SLC6A3: variants seen among roughly 807,000 people sequenced by gnomAD.
SLC6A3 encodes the protein sodium-dependent dopamine transporter.
In SLC6A3, 19 loss-of-function variants were observed where a neutral mutation model predicts 70.4. The ratio of observed to expected loss-of-function variants is 0.27; its 90% CI spans 0.19 to 0.40. The LOEUF (loss-of-function observed/expected upper bound fraction) is 0.40, where lower values mean the gene tolerates loss of function less well. SLC6A3 is among the 10% of genes least tolerant of loss of function. The probability of loss-of-function intolerance (pLI) is 1.00; values close to 1 mark genes in which losing one functional copy is unlikely to be tolerated. For synonymous variants in SLC6A3, 368 were observed against 356.6 expected (o/e 1.03, Z -0.36); for missense variants, 613 against 838.5 (o/e 0.73, Z 3.32).
intron 6 of SLC6A3, among the ~76,000 whole-genome samples, chr5:1,417,848 AG>A (rs1200731033): frequency 6.6e-6 from 1 of 152,256 alleles, no homozygotes; most frequent in Non-Finnish European, 1.5e-5. Flanking sequence ...CCTGCTGGGG[AG>A]GCCAGGTGGG....
At position 1,401,091 on chromosome 5, in the gene SLC6A3, AC is replaced by A; in HGVS notation, c.1768-106del. The A allele has an allele frequency of 1.2e-6, 1 of 853,138 alleles. No individual in the cohort carries two copies. The highest frequency in any genetic ancestry group is 1.9e-6 in the Non-Finnish European group (1 of 514,100). The allele number at this position is 853,138 out of a possible 1,614,324, so 52.8% of individuals were successfully genotyped here. A position where few individuals can be genotyped will look rare whatever the true frequency, so the allele number is the denominator to read the frequency against. On this transcript the variant is annotated intron_variant, in intron 13 of 14. Coordinates refer to ENST00000270349, the MANE Select transcript of SLC6A3 (RefSeq NM_001044.5). This position sits in a 1 kb window ranked among gnomAD's most constrained non-coding sequence, Gnocchi z 6.1. ...ACCCTCACCTACCAGCACCCTCACC[AC>A]CAGCCCTCCTCACCTGCCAATGCCC...
At chr5:1,395,239 G>A (rs542920359) in intron 14 of SLC6A3, among the ~76,000 whole-genome samples, 23 of 152,306 alleles carry the variant, frequency 1.5e-4, no homozygotes, top group South Asian at 6.2e-4. Context: ...TGCGACCCGC[G>A]CGGGCGCAAG....
Position 1,413,930 on chromosome 5 carries a change from C to G in SLC6A3, c.1156+761G>C, listed in dbSNP as rs1415247762. Among the ~76,000 whole-genome samples, 1 of 152,230 alleles carries G rather than the reference C, an allele frequency of 6.6e-6. No homozygotes were observed. Among genetic ancestry groups the G allele is most frequent in the Non-Finnish European group, 1.5e-5 (1 of 68,034 alleles). ...CGGCTCCATCCTGCCTGGCACACTT[C>G]TTGCTGTGGCCAAGGCCTCCCCCCA... On this transcript the variant is annotated intron_variant, in intron 8 of 14. Coordinates refer to ENST00000270349, the MANE Select transcript of SLC6A3 (RefSeq NM_001044.5). This position sits in a 1 kb window ranked among gnomAD's most constrained non-coding sequence, Gnocchi z 7.1.
intron 7 of SLC6A3, 150 bp downstream of exon 7, chr5:1,415,948 T>C: frequency 1.4e-6 from 1 of 695,828 alleles, no homozygotes; most frequent in Admixed American, 2.0e-5. Context: ...GCTGCCTCGC[T>C]GTCGCTTCTG....
In SLC6A3 at chr5:1,442,853, G is replaced by T; in HGVS notation, c.286+59C>A. ...TCGTTTCCGTACGTGCCTTGGCCCC[G>T]GCTGCCCCTACGACCCCCGCCCGGC... On this transcript the variant is annotated intron_variant, in intron 2 of 14. Coordinates refer to ENST00000270349, the MANE Select transcript of SLC6A3 (RefSeq NM_001044.5). This position sits in a 1 kb window ranked among gnomAD's most constrained non-coding sequence, Gnocchi z 5.0. The T allele has an allele frequency of 6.3e-7, 1 of 1,574,994 alleles. No homozygotes were observed.
At chr5:1,417,575 A>G (rs1756335863) in intron 6 of SLC6A3, among the ~76,000 whole-genome samples, 1 of 152,206 alleles carries the variant, frequency 6.6e-6, no homozygotes, top group Non-Finnish European at 1.5e-5. Flanking sequence ...CGTGAAAGGA[A>G]AGGTGGGTGG....
chr5:1,431,634 G>A (rs1185219020), intron 4 of SLC6A3, among the ~76,000 whole-genome samples: 1 of 151,678 alleles, frequency 6.6e-6, no homozygotes, highest in East Asian at 2.0e-4. Context: ...GGTGTGGGGT[G>A]GGCCTGGCCG....
Position 1,406,047 on chromosome 5 carries a change from C to T in SLC6A3, c.1599+141G>A, listed in dbSNP as rs979970064. 4 of 715,280 alleles carry T rather than the reference C, an allele frequency of 5.6e-6. No individual in the cohort carries two copies. Among genetic ancestry groups the T allele is most frequent in the African/African-American group, 3.5e-5 (2 of 57,498 alleles). 44.3% of individuals were successfully genotyped at this position (715,280 alleles called of 1,614,324 possible). A position where few individuals can be genotyped will look rare whatever the true frequency, so the allele number is the denominator to read the frequency against. ...GACTATAGATGAGTTCAGGGATCAG[C>T]CTGTCCTTCTGGGCCGAGTCTTGAG... On this transcript the variant is annotated intron_variant, in intron 12 of 14. Coordinates refer to ENST00000270349, the MANE Select transcript of SLC6A3 (RefSeq NM_001044.5). The surrounding 1 kb of genome is among the most constrained non-coding windows in gnomAD (Gnocchi z 8.8).
In SLC6A3 at chr5:1,401,655, G is replaced by T. The variant is rs576487244; in HGVS notation, c.1768-669C>A. On this transcript the variant is annotated intron_variant, in intron 13 of 14. Coordinates refer to ENST00000270349, the MANE Select transcript of SLC6A3 (RefSeq NM_001044.5). This position sits in a 1 kb window ranked among gnomAD's most constrained non-coding sequence, Gnocchi z 6.1. ...AATTCCACTTGTACCTGGCTCAGCT[G>T]CTGAGGTTTTACTTGGCTTACGTTC... Among the ~76,000 whole-genome samples the T allele has an allele frequency of 9.2e-5, 14 of 152,336 alleles. No homozygotes were observed. The highest frequency in any genetic ancestry group is 2.9e-4 in the African/African-American group (12 of 41,584).
chr5:1,412,652 A>G (rs1253313102), intron 8 of SLC6A3, among the ~76,000 whole-genome samples: 4 of 152,182 alleles, frequency 2.6e-5, no homozygotes, highest in African/African-American at 9.7e-5. Context: ...ACCAGTTCAG[A>G]AGCCTTGCAT....
Position 1,443,033 on chromosome 5 carries a change from C to T in SLC6A3, c.165G>A (p.Val55=). The change falls in exon 2 of 15, where the codon GTG becomes GTA. Residue 55 remains valine (V), a synonymous_variant. Coordinates refer to ENST00000270349, the MANE Select transcript of SLC6A3 (RefSeq NM_001044.5). ...CCCAGGTCTCCCGATCCTGGGCCTC[C>T]ACGGGGCTCTGCCGCGGGTTGGTGA... ...STLTNPRQSP[V]EAQDRETWGK... is the part of the protein sequence containing the mutation. 1 of 1,614,240 alleles carries T rather than the reference C, an allele frequency of 6.2e-7. No homozygotes were observed. The highest frequency in any genetic ancestry group is 8.5e-7 in the Non-Finnish European group (1 of 1,180,044).
chr5:1,441,540 T>C (rs747570590), intron 2 of SLC6A3, 50 bp from the exon 3 acceptor site: 7 of 1,599,392 alleles, frequency 4.4e-6, no homozygotes, highest in Non-Finnish European at 3.4e-6. Context: ...AGGGCCCATC[T>C]CTCCTCGTGG....
intron 14 of SLC6A3, among the ~76,000 whole-genome samples, chr5:1,400,569 G>C (rs1215031803): frequency 1.3e-5 from 2 of 152,132 alleles, no homozygotes; most frequent in African/African-American, 4.8e-5. Flanking sequence ...CCCCCGTGAG[G>C]CGGGGGGTGG....
intron 2 of SLC6A3, among the ~76,000 whole-genome samples, chr5:1,441,789 C>T (rs983964003): frequency 6.6e-5 from 10 of 152,280 alleles, no homozygotes; most frequent in East Asian, 5.8e-4. Flanking sequence ...TAGGTACTAT[C>T]CTTCCCCGTG....
Position 1,441,343 on chromosome 5 carries a change from G to T in SLC6A3, c.418+16C>A, listed in dbSNP as rs1176296944. 1 of 1,614,172 alleles carries T rather than the reference G, an allele frequency of 6.2e-7. No homozygotes were observed. Among genetic ancestry groups the T allele is most frequent in the African/African-American group, 1.3e-5 (1 of 75,064 alleles). On this transcript the variant is annotated intron_variant, in intron 3 of 14. Coordinates refer to ENST00000270349, the MANE Select transcript of SLC6A3 (RefSeq NM_001044.5). ...TCCGCGCTGCGCCAGGGTGAAGGGA[G>T]GCACCCGCATATTACCTTTCAGTAT...
In SLC6A3 at chr5:1,414,718, C is replaced by T; in HGVS notation, c.1129G>A (p.Val377Met). 1 of 1,612,656 alleles carries T rather than the reference C, an allele frequency of 6.2e-7. No homozygotes were observed. Among genetic ancestry groups the T allele is most frequent in the South Asian group, 1.1e-5 (1 of 91,084 alleles). The part of the protein sequence containing the change: ...FLGYMAQKHS[V>M]PIGDVAKDGP... The stretch of plus-strand genomic sequence containing the variant: ...TCCTTGGCCACGTCCCCGATGGGCA[C>T]ACTGTGCTTCTGTGCCATGTACCCC... Residue 377 changes from valine to methionine, a missense_variant, in exon 8 of 15, where the codon GTG becomes ATG. Val to Met is a conservative substitution (Grantham distance 21). This residue lies in a region of SLC6A3 where 348 missense variants were observed against 481.2 expected (regional missense o/e 0.72). Coordinates refer to ENST00000270349, the MANE Select transcript of SLC6A3 (RefSeq NM_001044.5).
intron 8 of SLC6A3, 147 bp downstream of exon 8, chr5:1,414,544 C>T: frequency 1.1e-6 from 1 of 948,344 alleles, no homozygotes; most frequent in East Asian, 2.7e-5. Context: ...ATGTGTACCA[C>T]CATCCTTCAA....
chr5:1,424,119 GAGGCCCCAGGTTGGCAC>G (rs1238696399), intron 4 of SLC6A3, among the ~76,000 whole-genome samples: 2 of 152,236 alleles, frequency 1.3e-5, no homozygotes, highest in African/African-American at 2.4e-5. Context: ...CGCCCAGGCA[GAGGCCCCAGGTTGGCAC>G]AGGCCCCAGG....
intron 4 of SLC6A3, among the ~76,000 whole-genome samples, chr5:1,431,703 G>C (rs1398946119): frequency 6.6e-6 from 1 of 151,736 alleles, no homozygotes; most frequent in Non-Finnish European, 1.5e-5. Context: ...TGCCTGGCTG[G>C]GGTGGACAGT....
Sources: gnomAD v4.1 joint callset for allele counts (sites outside exome capture counted in the v4.1 genomes callset) on GRCh38, gnomAD v4.1.1 for gene constraint, gnomAD v4.1.1 regional missense constraint, Gnocchi (gnomAD v3.1) non-coding constraint, MANE v1.5 for transcripts, NCBI Gene and HGNC (gene_info 2026-07-23, HGNC 2026-07-21) for gene names.